The following LRBA variants were observed in gnomAD, a reference collection of about 807,000 sequenced individuals.
The protein encoded by LRBA is lipopolysaccharide-responsive and beige-like anchor protein.
Under a neutral mutation model 330.0 loss-of-function variants are expected in LRBA, and 176 were observed. The observed-to-expected ratio is 0.53, with a 90% CI of 0.47 to 0.60. The LOEUF is 0.60. LRBA is among the 20% of genes least tolerant of loss of function. The pLI is 0.00. For missense variants in LRBA, 3,259 were observed against 3,444.8 expected (o/e 0.95, Z 1.35); for synonymous variants, 1,230 against 1,193.0 (o/e 1.03, Z -0.64).
chr4:150,807,521 A>C (rs1173370429), intron 32 of LRBA, among the ~76,000 whole-genome samples: 1 of 152,184 alleles, frequency 6.6e-6, no homozygotes, highest in East Asian at 1.9e-4. Flanking sequence ...AAAGCATTCG[A>C]AATTAAACTC....
At chr4:150,847,732 T>G (rs776260415) in intron 26 of LRBA, among the ~76,000 whole-genome samples, 23 of 152,022 alleles carry the variant, frequency 1.5e-4, no homozygotes, top group Admixed American at 4.6e-4. Context: ...CAAAAAAGGG[T>G]TTTTTTGTTT....
chr4:150,969,263 T>C (rs1441401470), intron 2 of LRBA, among the ~76,000 whole-genome samples: 1 of 152,206 alleles, frequency 6.6e-6, no homozygotes, highest in African/African-American at 2.4e-5. Context: ...ATACATTTTG[T>C]AAGGCTATCA....
chr4:150,991,527 A>G (rs1742083187), intron 2 of LRBA, among the ~76,000 whole-genome samples: 1 of 152,244 alleles, frequency 6.6e-6, no homozygotes, highest in Non-Finnish European at 1.5e-5. Context: ...AGGAATCTCA[A>G]ATGCAATTTG....
At chr4:150,888,231 A>G (rs987976654) in intron 17 of LRBA, among the ~76,000 whole-genome samples, 2 of 152,336 alleles carry the variant, frequency 1.3e-5, no homozygotes, top group Middle Eastern at 3.4e-3. Flanking sequence ...TCAAATAAAT[A>G]TATTTTCAGA....
In LRBA at chr4:150,946,152, A is replaced by C. The variant is rs368892056; in HGVS notation, c.217-17087T>G. On this transcript the variant is annotated intron_variant, in intron 2 of 56. Transcript: ENST00000651943. ...CTACAATATTTATTTATTATGAAATAAACAGTATTATGAAAGCTACTAATT... is the reference window on the plus strand; with the variant it reads ...CTACAATATTTATTTATTATGAAATCAACAGTATTATGAAAGCTACTAATT... 1.2e-3 allele frequency among the ~76,000 whole-genome samples: 182 copies of C among 152,348 alleles called. 3 individuals carry two copies. Among genetic ancestry groups the C allele is most frequent in the African/African-American group, 4.3e-3 (177 of 41,594 alleles).
At chr4:150,824,450 T>C (rs1336179379) in intron 30 of LRBA, among the ~76,000 whole-genome samples, 2 of 152,212 alleles carry the variant, frequency 1.3e-5, no homozygotes, top group African/African-American at 4.8e-5. Context: ...CAGTACTGTG[T>C]TGAGTAACAG....
chr4:151,008,474 A>G (rs1162943172), intron 2 of LRBA, among the ~76,000 whole-genome samples: 2 of 152,078 alleles, frequency 1.3e-5, no homozygotes, highest in Non-Finnish European at 2.9e-5. Context: ...CCAAAATCTG[A>G]GCATACTCAG....
chr4:150,622,746 G>A (rs1293184096), intron 37 of LRBA, among the ~76,000 whole-genome samples: 6 of 142,268 alleles, frequency 4.2e-5, no homozygotes, highest in African/African-American at 1.4e-4. Context: ...TCACCAGGCC[G>A]GAGTGCAGTG....
intron 34 of LRBA, among the ~76,000 whole-genome samples, chr4:150,781,837 T>C (rs1738272967): frequency 6.6e-6 from 1 of 152,212 alleles, no homozygotes; most frequent in Non-Finnish European, 1.5e-5. Context: ...AGTAGGGACC[T>C]CTACCCTCCT....
intron 34 of LRBA, among the ~76,000 whole-genome samples, chr4:150,772,845 C>A (rs1736770646): frequency 6.6e-6 from 1 of 152,150 alleles, no homozygotes; most frequent in South Asian, 2.1e-4. Context: ...TCAGAACTAT[C>A]AGCTTTTCAG....
chr4:150,530,753 T>C (rs1404377701), intron 40 of LRBA, among the ~76,000 whole-genome samples: 2 of 152,142 alleles, frequency 1.3e-5, no homozygotes, highest in African/African-American at 4.8e-5. Flanking sequence ...CCTGACACAA[T>C]TACTAAACAA....
chr4:150,605,948 C>T (rs146679433), intron 37 of LRBA, among the ~76,000 whole-genome samples: 1 of 152,184 alleles, frequency 6.6e-6, no homozygotes, highest in East Asian at 1.9e-4. Context: ...CATACTAAAG[C>T]AGAATTCTTT....
At chr4:150,316,992 G>A (rs555849089) in intron 50 of LRBA, among the ~76,000 whole-genome samples, 1 of 152,164 alleles carries the variant, frequency 6.6e-6, no homozygotes, top group Admixed American at 6.6e-5. Context: ...CTCCTGGAAC[G>A]GTCATGGCCC....
intron 47 of LRBA, among the ~76,000 whole-genome samples, chr4:150,402,747 G>A (rs2151931043): frequency 6.6e-6 from 1 of 151,740 alleles, no homozygotes; most frequent in South Asian, 2.1e-4. Flanking sequence ...GTTTCTCTAT[G>A]TTCTAATGAT....
chr4:150,377,687 C>A (rs1741554333), intron 47 of LRBA, among the ~76,000 whole-genome samples: 1 of 152,014 alleles, frequency 6.6e-6, no homozygotes, highest in South Asian at 2.1e-4. Context: ...AAAAATTAAC[C>A]ATGATTATAA....
At chr4:150,976,823 G>A (rs562075671) in intron 2 of LRBA, among the ~76,000 whole-genome samples, 122 of 152,302 alleles carry the variant, frequency 8.0e-4, no homozygotes, top group African/African-American at 2.8e-3. Flanking sequence ...AGAGTGCAGC[G>A]ACTGTGGGAT....
chr4:150,611,180 T>A (rs1775219861), intron 37 of LRBA, among the ~76,000 whole-genome samples: 1 of 152,124 alleles, frequency 6.6e-6, no homozygotes. Context: ...AAGAAGTATA[T>A]TACATTATGC....
At chr4:150,898,812 T>C (rs1479683042) in intron 14 of LRBA, among the ~76,000 whole-genome samples, 2 of 152,028 alleles carry the variant, frequency 1.3e-5, no homozygotes, top group Non-Finnish European at 2.9e-5. Flanking sequence ...CACCATGAAA[T>C]AGTCATGAGA....
rs1338778631 is a variant in LRBA, at chr4:150,373,170, TGTGAGA to T, written c.7195-23017_7195-23012del. Among the ~76,000 whole-genome samples the T allele has an allele frequency of 1.1e-4, 12 of 111,544 alleles. No homozygotes were observed. The South Asian group carries it at 2.1e-3, about 20-fold the overall frequency. 73.2% of individuals were successfully genotyped at this position (111,544 alleles called of 152,430 possible). On this transcript the variant is annotated intron_variant, in intron 47 of 56. Transcript: ENST00000651943. The stretch of plus-strand genomic sequence containing the variant: ...GTGTGTGTGTGTGTGTGTGTGTGTG[TGTGAGA>T]GAGAGAGAGAGAGAGAGAGAGAGAG...
Sources: allele counts gnomAD v4.1 joint callset (sites outside exome capture counted in the v4.1 genomes callset), GRCh38; gene constraint gnomAD v4.1.1; transcripts MANE v1.5; gene names NCBI Gene and HGNC (gene_info 2026-07-23, HGNC 2026-07-21).